PM20D2: variants seen among roughly 807,000 people sequenced by gnomAD.
The protein encoded by PM20D2 is peptidase M20 domain containing 2, also known as xaa-Arg dipeptidase.
A neutral mutation model predicts 42.9 loss-of-function variants in PM20D2; 33 were observed. The ratio of observed to expected loss-of-function variants is 0.77; its 90% CI spans 0.58 to 1.03. The LOEUF (loss-of-function observed/expected upper bound fraction) is 1.03. Ranked by LOEUF, PM20D2 falls within the 50% of genes least tolerant of loss-of-function variation. PM20D2 has a pLI of 0.00. For missense variants in PM20D2, 548 were observed against 557.0 expected (o/e 0.98, Z 0.16); for synonymous variants, 250 against 228.2 (o/e 1.10, Z -0.86).
In PM20D2 at chr6:89,163,281, G is replaced by A. The variant is rs1282398211; in HGVS notation, c.*1018G>A. ...ACAGTCATCTCTTGTACAACGTGGA[G>A]AAGAAAAGATATACTTACTACTTTG... On this transcript the variant is annotated 3_prime_UTR_variant, in exon 7 of 7. Transcript: ENST00000275072. 1.3e-5 allele frequency: 2 copies of A among 152,142 alleles called. No individual in the cohort carries two copies. Among genetic ancestry groups the A allele is most frequent in the East Asian group, 1.9e-4 (1 of 5,202 alleles). The allele number at this position is 152,142 out of a possible 1,614,324, so 9.4% of individuals were successfully genotyped here. A position where few individuals can be genotyped will look rare whatever the true frequency, so the allele number is the denominator to read the frequency against.
At chr6:89,144,212 C>G (rs953736683), upstream of PM20D2, among the ~76,000 whole-genome samples, 13 of 114,686 alleles carry the variant, frequency 1.1e-4, no homozygotes, top group Admixed American at 4.2e-4. Context: ...TGAAATGAAT[C>G]TGTCTTTCCT....
chr6:89,099,408 ATATATACATATATATATGTGTG>A, the PM20D2 span, among the ~76,000 whole-genome samples: 12 of 90,148 alleles, frequency 1.3e-4, no homozygotes, highest in African/African-American at 4.8e-4. Context: ...CTCTCCATAT[ATATATACATATATATATGTGTG>A]TATATATATA....
chr6:89,123,866 C>T, the PM20D2 span, among the ~76,000 whole-genome samples: 1 of 151,584 alleles, frequency 6.6e-6, no homozygotes, highest in East Asian at 1.9e-4. Flanking sequence ...GATAACTCAT[C>T]TCTAGTAAAA....
chr6:89,148,275 G>C, intron 1 of PM20D2, among the ~76,000 whole-genome samples: 1 of 152,000 alleles, frequency 6.6e-6, no homozygotes, highest in East Asian at 1.9e-4. Context: ...CACCGCTCCC[G>C]GCCCACTCTT....
At chr6:89,108,199 TTCATCTTCATG>T in the PM20D2 span, among the ~76,000 whole-genome samples, 1 of 152,188 alleles carries the variant, frequency 6.6e-6, no homozygotes, top group African/African-American at 2.4e-5. Flanking sequence ...CAGCATGATA[TTCATCTTCATG>T]GAGCTACAAT....
At chr6:89,114,248 T>C in the PM20D2 span, among the ~76,000 whole-genome samples, 62 of 152,202 alleles carry the variant, frequency 4.1e-4, 1 homozygote, top group East Asian at 0.012. Context: ...GCCAACATGA[T>C]GAAACCCCGT....
chr6:89,131,928 A>G, the PM20D2 span, among the ~76,000 whole-genome samples: 7 of 152,180 alleles, frequency 4.6e-5, no homozygotes, highest in African/African-American at 1.7e-4. Context: ...GAAATGGGAA[A>G]TGCTGCTTTC....
At chr6:89,107,010 TG>T in the PM20D2 span, 1 of 868,112 alleles carries the variant, frequency 1.2e-6, no homozygotes. Context: ...CCAGCTACTG[TG>T]GACTGCTTTA....
intron 4 of PM20D2, among the ~76,000 whole-genome samples, chr6:89,156,621 T>G (rs1040004563): frequency 2.6e-5 from 4 of 152,164 alleles, no homozygotes; most frequent in Admixed American, 1.3e-4. Context: ...GAATGTGTCG[T>G]GAGGATCAGA....
In PM20D2 at chr6:89,150,397, T is replaced by C. The variant is rs117983913; in HGVS notation, c.614+984T>C. ...CCTTTGACTAGAAGGGGCCTGCATA[T>C]GCAGGCAGGCTCTGCAGCTCATTAC... On this transcript the variant is annotated intron_variant, in intron 2 of 6. Coordinates refer to ENST00000275072, the MANE Select transcript of PM20D2 (RefSeq NM_001010853.3). Among the ~76,000 whole-genome samples, 971 of 152,272 alleles carry C rather than the reference T, an allele frequency of 6.4e-3. 7 individuals carry two copies. Among genetic ancestry groups the C allele is most frequent in the South Asian group, 0.026 (126 of 4,826 alleles).
chr6:89,101,036 G>C, the PM20D2 span, among the ~76,000 whole-genome samples: 1 of 150,908 alleles, frequency 6.6e-6, no homozygotes, highest in Non-Finnish European at 1.5e-5. Context: ...TTGAACCTGG[G>C]AGGCAGAGGT....
intron 2 of PM20D2, among the ~76,000 whole-genome samples, chr6:89,150,100 T>C (rs1012847306): frequency 1.3e-5 from 2 of 152,160 alleles, no homozygotes; most frequent in Non-Finnish European, 2.9e-5. Context: ...AGCAAAACCA[T>C]GTGTTTTCCT....
the PM20D2 span, among the ~76,000 whole-genome samples, chr6:89,135,173 C>G: frequency 6.6e-6 from 1 of 151,212 alleles, no homozygotes; most frequent in Non-Finnish European, 1.5e-5. Flanking sequence ...TTGTAAAGAT[C>G]ACAAAATTCA....
the PM20D2 span, chr6:89,117,733 G>A: frequency 4.6e-6 from 6 of 1,317,270 alleles, no homozygotes; most frequent in Non-Finnish European, 6.0e-6. Context: ...CAGCTCCCCC[G>A]AGCCTCCGCC....
At chr6:89,128,594 T>C in the PM20D2 span, among the ~76,000 whole-genome samples, 1 of 152,150 alleles carries the variant, frequency 6.6e-6, no homozygotes, top group African/African-American at 2.4e-5. Context: ...TTTGTTCTGC[T>C]TTTTGCCCTT....
At position 89,158,321 on chromosome 6, in the gene PM20D2, T is replaced by G; in HGVS notation, c.913-4T>G. ...TCAAAATTTGTTTTGCAATTTTTTA[T>G]TAGGTGGAAATTAAAGGTGGAGCAC... On this transcript the variant is annotated splice_polypyrimidine_tract_variant and splice_region_variant and intron_variant, in intron 4 of 6. Coordinates refer to ENST00000275072, the MANE Select transcript of PM20D2 (RefSeq NM_001010853.3). 1 of 1,564,736 alleles carries G rather than the reference T, an allele frequency of 6.4e-7. No homozygotes were observed. The highest frequency in any genetic ancestry group is 8.6e-7 in the Non-Finnish European group (1 of 1,162,120).
chr6:89,127,627 T>C, the PM20D2 span, among the ~76,000 whole-genome samples: 1 of 152,126 alleles, frequency 6.6e-6, no homozygotes, highest in Non-Finnish European at 1.5e-5. Context: ...TGCACCTAGC[T>C]GAAATGCTCT....
chr6:89,105,296 G>A, the PM20D2 span: 31 of 1,583,328 alleles, frequency 2.0e-5, no homozygotes, highest in Middle Eastern at 3.4e-4. Context: ...GACATAATTC[G>A]TTACCTGAAC....
chr6:89,154,923 A>G (rs1295809513), intron 4 of PM20D2, 21 bp downstream of exon 4: 4 of 1,551,810 alleles, frequency 2.6e-6, no homozygotes, highest in Non-Finnish European at 3.5e-6. Context: ...TTAAAAGTTA[A>G]TCTAAGTTAC....
Sources: gnomAD v4.1 joint callset for allele counts (sites outside exome capture counted in the v4.1 genomes callset) on GRCh38, gnomAD v4.1.1 for gene constraint, MANE v1.5 for transcripts, NCBI Gene and HGNC (gene_info 2026-07-23, HGNC 2026-07-21) for gene names.